Variants in MINPP1 observed in about 807,000 individuals in gnomAD.
The protein encoded by MINPP1 is multiple inositol polyphosphate phosphatase 1.
MINPP1 carries 28 observed loss-of-function variants against 46.1 expected under a neutral mutation model. That is an observed-to-expected ratio of 0.61 (90% CI 0.45 to 0.83). The LOEUF (loss-of-function observed/expected upper bound fraction) is 0.83, where lower values mean the gene tolerates loss of function less well. Among genes scored for constraint, MINPP1 ranks in the 40% least tolerant of loss-of-function variants. The pLI, the probability that MINPP1 is intolerant of heterozygous loss-of-function variation, is 0.00. For synonymous variants in MINPP1, 268 were observed against 249.1 expected (o/e 1.08, Z -0.72); for missense variants, 603 against 610.0 (o/e 0.99, Z 0.12).
rs778630711 is a variant in MINPP1, at chr10:87,505,096, T to C, written c.181T>C (p.Leu61=). 1 of 1,613,574 alleles carries C rather than the reference T, an allele frequency of 6.2e-7. No homozygotes were observed. Among genetic ancestry groups the C allele is most frequent in the South Asian group, 1.1e-5 (1 of 91,032 alleles). The change falls in exon 1 of 5, where the codon TTG becomes CTG. Residue 61 remains leucine, a synonymous_variant. Coordinates refer to ENST00000371996, the MANE Select transcript of MINPP1 (RefSeq NM_004897.5). The surrounding 1 kb of genome is among the most constrained non-coding windows in gnomAD (Gnocchi z 4.4). ...TRYEDVNPVL[L]SGPEAPWRDP... ...CTACGAGGATGTCAACCCCGTGCTA[T>C]TGTCGGGCCCCGAGGCTCCGTGGCG... is the stretch of plus-strand genomic sequence containing the variant.
chr10:87,533,126 AC>A (rs1851683052), intron 4 of MINPP1, among the ~76,000 whole-genome samples: 1 of 150,594 alleles, frequency 6.6e-6, no homozygotes, highest in South Asian at 2.1e-4. Context: ...TCTCCATCCC[AC>A]CCCTACCCCT....
intron 4 of MINPP1, among the ~76,000 whole-genome samples, chr10:87,528,806 G>A (rs1156388186): frequency 6.6e-6 from 1 of 152,140 alleles, no homozygotes; most frequent in African/African-American, 2.4e-5. Context: ...GTTGACAGTG[G>A]GGTGTTAAAG....
chr10:87,552,043 A>AAT (rs770769749), intron 4 of MINPP1, 39 bp from the exon 5 acceptor site: 1 of 1,472,026 alleles, frequency 6.8e-7, no homozygotes, highest in Non-Finnish European at 9.4e-7. Context: ...CTATGACATT[A>AAT]ATATATATAC....
In MINPP1 at chr10:87,530,964, C is replaced by A. The variant is rs11202433; in HGVS notation, c.1067+9795C>A. On this transcript the variant is annotated intron_variant, in intron 4 of 4. Transcript: ENST00000371996. The stretch of plus-strand genomic sequence containing the variant: ...ATTCGATTTCAGGCTGCTGTGCTAG[C>A]AGTGAGCGAGGCTCTGTGGGCATGG... Among the ~76,000 whole-genome samples, 1,507 of 152,332 alleles carry A rather than the reference C, an allele frequency of 9.9e-3. 25 individuals carry two copies. The highest frequency in any genetic ancestry group is 0.034 in the African/African-American group (1,422 of 41,556).
intron 4 of MINPP1, among the ~76,000 whole-genome samples, chr10:87,535,402 A>G (rs1472203425): frequency 6.6e-6 from 1 of 152,208 alleles, no homozygotes; most frequent in African/African-American, 2.4e-5. Flanking sequence ...TATTTTATTA[A>G]TTGTTATTAA....
At chr10:87,527,970 T>A (rs1851601312) in intron 4 of MINPP1, among the ~76,000 whole-genome samples, 1 of 152,236 alleles carries the variant, frequency 6.6e-6, no homozygotes, top group African/African-American at 2.4e-5. Flanking sequence ...GTCCATTTCT[T>A]CTAGATTTTC....
chr10:87,523,559 C>T (rs1851533368), intron 4 of MINPP1, among the ~76,000 whole-genome samples: 2 of 151,252 alleles, frequency 1.3e-5, no homozygotes, highest in Admixed American at 1.3e-4. Flanking sequence ...TGGGGTTTCA[C>T]CTTGTTAGCC....
chr10:87,524,384 G>A (rs1303676392), intron 4 of MINPP1, among the ~76,000 whole-genome samples: 1 of 152,152 alleles, frequency 6.6e-6, no homozygotes, highest in Non-Finnish European at 1.5e-5. Context: ...TTAGGCTTTG[G>A]CTAAGGGGAA....
chr10:87,507,035 C>A (rs193034359), intron 1 of MINPP1, among the ~76,000 whole-genome samples: 8 of 152,142 alleles, frequency 5.3e-5, no homozygotes, highest in Non-Finnish European at 1.0e-4. Context: ...TAGCGACTTC[C>A]TGGAACAAGT....
At chr10:87,529,912 C>A (rs1851632927) in intron 4 of MINPP1, among the ~76,000 whole-genome samples, 1 of 152,082 alleles carries the variant, frequency 6.6e-6, no homozygotes, top group Non-Finnish European at 1.5e-5. Context: ...TCTTTTTGTT[C>A]TTTTTTCTCT....
At chr10:87,545,849 A>G (rs995075231) in intron 4 of MINPP1, among the ~76,000 whole-genome samples, 4 of 152,356 alleles carry the variant, frequency 2.6e-5, no homozygotes. Flanking sequence ...AAAAGTTGTC[A>G]TTTATTGACA....
intron 4 of MINPP1, among the ~76,000 whole-genome samples, chr10:87,522,900 G>A (rs1851522663): frequency 6.6e-6 from 1 of 152,324 alleles, no homozygotes; most frequent in South Asian, 2.1e-4. Flanking sequence ...CTCAAAGCCT[G>A]TCACTGCTTT....
At chr10:87,510,339 A>C (rs906209687) in intron 2 of MINPP1, among the ~76,000 whole-genome samples, 1 of 152,236 alleles carries the variant, frequency 6.6e-6, no homozygotes, top group African/African-American at 2.4e-5. Context: ...CTCTAGACAA[A>C]TATAGAACTG....
At chr10:87,520,704 A>G (rs1306103188) in intron 3 of MINPP1, among the ~76,000 whole-genome samples, 1 of 152,160 alleles carries the variant, frequency 6.6e-6, no homozygotes, top group Non-Finnish European at 1.5e-5. Context: ...TATCATCTTA[A>G]TATAATGTTA....
At chr10:87,547,289 A>G (rs549477913) in intron 4 of MINPP1, among the ~76,000 whole-genome samples, 15 of 151,974 alleles carry the variant, frequency 9.9e-5, no homozygotes, top group African/African-American at 3.6e-4. Context: ...TTTTTTGTAT[A>G]TTTGATAGAG....
intron 3 of MINPP1, among the ~76,000 whole-genome samples, chr10:87,518,253 C>G (rs1432581518): frequency 6.6e-6 from 1 of 151,682 alleles, no homozygotes; most frequent in Non-Finnish European, 1.5e-5. Flanking sequence ...GCCACCGCAC[C>G]CGGCCCTTTT....
chr10:87,539,923 GTGGCGTAATCA>G (rs1244732234), intron 4 of MINPP1, among the ~76,000 whole-genome samples: 5 of 152,244 alleles, frequency 3.3e-5, no homozygotes, highest in Admixed American at 6.5e-5. Flanking sequence ...CTGGAGTGCA[GTGGCGTAATCA>G]TGGCTTATTG....
At chr10:87,520,985 TC>T (rs1564675390) in intron 3 of MINPP1, 50 bp from the exon 4 acceptor site, 11 of 744,380 alleles carry the variant, frequency 1.5e-5, no homozygotes, top group Non-Finnish European at 2.5e-5. Context: ...AATCAGGGAA[TC>T]TTGTTATATT....
At chr10:87,539,798 C>G (rs755007807) in intron 4 of MINPP1, among the ~76,000 whole-genome samples, 2 of 152,204 alleles carry the variant, frequency 1.3e-5, no homozygotes, top group Non-Finnish European at 2.9e-5. Flanking sequence ...TTAAGAACCA[C>G]AGATGCAGTG....
Sources: allele counts gnomAD v4.1 joint callset (sites outside exome capture counted in the v4.1 genomes callset), GRCh38; gene constraint gnomAD v4.1.1; non-coding constraint Gnocchi (gnomAD v3.1); transcripts MANE v1.5; gene names NCBI Gene and HGNC (gene_info 2026-07-23, HGNC 2026-07-21).